Variants in PDE7A observed in about 807,000 individuals in gnomAD.
PDE7A encodes the protein high affinity 3',5'-cyclic-AMP phosphodiesterase 7A.
A neutral mutation model predicts 64.3 loss-of-function variants in PDE7A; 39 were observed. That is an observed-to-expected ratio of 0.61 (90% CI 0.47 to 0.79). The LOEUF is 0.79. PDE7A is among the 30% of genes least tolerant of loss of function. The probability of loss-of-function intolerance (pLI) is 0.00; values close to 1 mark genes in which losing one functional copy is unlikely to be tolerated. For missense variants in PDE7A, 470 were observed against 582.8 expected (o/e 0.81, Z 1.99); for synonymous variants, 203 against 206.8 (o/e 0.98, Z 0.16).
At chr8:65,837,663 G>T (rs996065308) in intron 1 of PDE7A, among the ~76,000 whole-genome samples, 5 of 152,172 alleles carry the variant, frequency 3.3e-5, no homozygotes, top group African/African-American at 1.2e-4. Flanking sequence ...TACTTGTTTG[G>T]CATCACCATC....
At chr8:65,821,657 G>A (rs1810544677) in intron 1 of PDE7A, among the ~76,000 whole-genome samples, 2 of 152,130 alleles carry the variant, frequency 1.3e-5, no homozygotes, top group Admixed American at 1.3e-4. Flanking sequence ...TGTCCAATGA[G>A]AATCACTAGC....
At chr8:65,780,431 T>G (rs1260284619) in intron 2 of PDE7A, among the ~76,000 whole-genome samples, 1 of 152,234 alleles carries the variant, frequency 6.6e-6, no homozygotes, top group Non-Finnish European at 1.5e-5. Context: ...GGCCTTTAGC[T>G]GAGTCTTAAA....
Position 65,716,197 on chromosome 8 carries a change from C to T in PDE7A, c.*3093G>A, listed in dbSNP as rs1414425609. ...CTATAGAAGGTGATTCCCACATATA[C>T]ATAATAAAACAACTTTTCAATGGGT... is the stretch of plus-strand genomic sequence containing the variant. On this transcript the variant is annotated 3_prime_UTR_variant, in exon 13 of 13. Transcript: ENST00000401827. Among the ~76,000 whole-genome samples the T allele has an allele frequency of 6.7e-6, 1 of 149,696 alleles. No homozygotes were observed. The highest frequency in any genetic ancestry group is 2.5e-5 in the African/African-American group (1 of 40,698).
rs1049184288 is a variant in PDE7A at position 65,718,293 on chromosome 8, A to G, written c.*997T>C. On this transcript the variant is annotated 3_prime_UTR_variant, in exon 13 of 13. Coordinates refer to ENST00000401827, the MANE Select transcript of PDE7A (RefSeq NM_001242318.3). ...CACATGCACAAACATGCACGCAAACACACATCCGTACATTCACACACAACA... is the reference window on the plus strand; with the variant it reads ...CACATGCACAAACATGCACGCAAACGCACATCCGTACATTCACACACAACA... 2.6e-5 allele frequency: 4 copies of G among 152,330 alleles called. No individual in the cohort carries two copies. The highest frequency in any genetic ancestry group is 5.9e-5 in the Non-Finnish European group (4 of 68,038). 9.4% of individuals were successfully genotyped at this position (152,330 alleles called of 1,614,324 possible).
At chr8:65,767,293 C>T (rs1808838703) in intron 3 of PDE7A, among the ~76,000 whole-genome samples, 1 of 152,148 alleles carries the variant, frequency 6.6e-6, no homozygotes, top group South Asian at 2.1e-4. Flanking sequence ...GATTAGTTGT[C>T]ATGATACATT....
At chr8:65,724,662 T>A (rs2129065621) in intron 10 of PDE7A, 115 bp downstream of exon 10, 1 of 904,692 alleles carries the variant, frequency 1.1e-6, no homozygotes, top group Admixed American at 2.6e-5. Context: ...AGGAAATTCT[T>A]TAGCTTGCCC....
At chr8:65,746,209 C>G (rs1322374830) in intron 4 of PDE7A, among the ~76,000 whole-genome samples, 1 of 151,660 alleles carries the variant, frequency 6.6e-6, no homozygotes, top group East Asian at 1.9e-4. Flanking sequence ...GCTAGGATTA[C>G]AGGCATGAGC....
In PDE7A at chr8:65,734,868, G is replaced by C. The variant is rs756238378; in HGVS notation, c.622C>G (p.Gln208Glu). 17 of 1,611,080 alleles carry C rather than the reference G, an allele frequency of 1.1e-5. No individual in the cohort carries two copies. The highest frequency in any genetic ancestry group is 2.5e-6 in the Non-Finnish European group (3 of 1,177,460). ...LVMIQEDYHS[Q>E]NPYHNAVHAA... ...TGGACTGCGTTATGGTAAGGATTTT[G>C]ACTGTGGTAATCTTCTTGAATCATA... Residue 208 changes from glutamine (Q) to glutamate (E), a missense_variant, in exon 7 of 13, where the codon CAA becomes GAA. Transcript: ENST00000401827.
At chr8:65,721,010 G>C (rs766199909) in intron 12 of PDE7A, among the ~76,000 whole-genome samples, 2 of 152,156 alleles carry the variant, frequency 1.3e-5, no homozygotes, top group Non-Finnish European at 2.9e-5. Flanking sequence ...ACCTCCAACA[G>C]CCAACAAATT....
intron 1 of PDE7A, among the ~76,000 whole-genome samples, chr8:65,787,439 T>C (rs975316862): frequency 2.0e-5 from 3 of 152,192 alleles, no homozygotes; most frequent in Admixed American, 6.5e-5. Context: ...GTCAATTTCC[T>C]CTGACATAGC....
intron 1 of PDE7A, among the ~76,000 whole-genome samples, chr8:65,798,206 A>ATATATATATATATATATTTTTTTTTTT: frequency 1.4e-5 from 1 of 73,834 alleles, no homozygotes; most frequent in African/African-American, 5.8e-5. Flanking sequence ...ATATATATAT[A>ATATATATATATATATATTTTTTTTTTT]TTTTTTTTTT....
chr8:65,773,882 T>C (rs950623635), intron 3 of PDE7A, among the ~76,000 whole-genome samples: 10 of 152,224 alleles, frequency 6.6e-5, no homozygotes, highest in African/African-American at 2.2e-4. Context: ...TTTACTAAAT[T>C]CAGTGAATGT....
intron 5 of PDE7A, among the ~76,000 whole-genome samples, chr8:65,742,680 T>C (rs1400907077): frequency 2.0e-5 from 3 of 152,226 alleles, no homozygotes; most frequent in African/African-American, 7.2e-5. Flanking sequence ...TTATATAATA[T>C]AAGCTAAAGG....
rs1290594297 is a variant in PDE7A, at chr8:65,841,989, CCGCCG to C, written c.-486_-482del. 5 of 257,250 alleles carry C rather than the reference CCGCCG, an allele frequency of 1.9e-5. No individual in the cohort carries two copies. Among genetic ancestry groups the C allele is most frequent in the Non-Finnish European group, 3.7e-5 (5 of 135,352 alleles). 15.9% of individuals were successfully genotyped at this position (257,250 alleles called of 1,614,324 possible). Reference sequence around the variant, plus strand: ...GCCGCCGCCGCCGCCGCCGCCGCCGCCGCCGGAGTCCTGCTCCTCCCCTCCCCCGG... The same window carrying C: ...GCCGCCGCCGCCGCCGCCGCCGCCGCGAGTCCTGCTCCTCCCCTCCCCCGG... On this transcript the variant is annotated 5_prime_UTR_variant, in exon 1 of 13. Transcript: ENST00000401827.
intron 1 of PDE7A, among the ~76,000 whole-genome samples, chr8:65,817,677 C>T (rs1310417505): frequency 6.6e-6 from 1 of 151,492 alleles, no homozygotes; most frequent in Non-Finnish European, 1.5e-5. Flanking sequence ...CATGATCGGA[C>T]TCAGGTTATA....
intron 1 of PDE7A, among the ~76,000 whole-genome samples, chr8:65,820,159 G>C (rs1388222678): frequency 6.6e-6 from 1 of 152,236 alleles, no homozygotes; most frequent in African/African-American, 2.4e-5. Flanking sequence ...ACGTTGGGAG[G>C]CCGAGGCAGG....
chr8:65,772,332 T>TAAAAA (rs1196538709), intron 3 of PDE7A, among the ~76,000 whole-genome samples: 1 of 152,214 alleles, frequency 6.6e-6, no homozygotes, highest in African/African-American at 2.4e-5. Context: ...AAAATAGTCT[T>TAAAAA]ATTTTTAATT....
At chr8:65,802,072 A>C (rs6991765) in intron 1 of PDE7A, among the ~76,000 whole-genome samples, 6,445 of 152,336 alleles carry the variant, frequency 0.042, 461 homozygotes, top group African/African-American at 0.14. Context: ...AAAGAAATTT[A>C]AAAGTTAAGC....
At chr8:65,778,478 C>G (rs1251757475) in intron 3 of PDE7A, among the ~76,000 whole-genome samples, 1 of 152,138 alleles carries the variant, frequency 6.6e-6, no homozygotes, top group African/African-American at 2.4e-5. Context: ...GCTGTCTGAA[C>G]CATTCCAATC....
Sources: gnomAD v4.1 joint callset for allele counts (sites outside exome capture counted in the v4.1 genomes callset) on GRCh38, gnomAD v4.1.1 for gene constraint, MANE v1.5 for transcripts, NCBI Gene and HGNC (gene_info 2026-07-23, HGNC 2026-07-21) for gene names.